Variants in SNTA1 observed in about 807,000 individuals in gnomAD.
SNTA1 encodes alpha-1-syntrophin.
In SNTA1, 31 loss-of-function variants were observed where a neutral mutation model predicts 47.1. That is an observed-to-expected ratio of 0.66 (90% CI 0.49 to 0.89). SNTA1 has a LOEUF of 0.89. Among genes scored for constraint, SNTA1 ranks in the 40% least tolerant of loss-of-function variants. SNTA1 has a pLI of 0.00. For synonymous variants in SNTA1, 300 were observed against 313.6 expected, an observed-to-expected ratio of 0.96 and a Z score of 0.46; for missense variants, 575 against 693.0, an observed-to-expected ratio of 0.83 and a Z score of 1.91.
chr20:33,418,537 A>T (rs1456097701), intron 2 of SNTA1, among the ~76,000 whole-genome samples: 1 of 152,020 alleles, frequency 6.6e-6, no homozygotes, highest in Admixed American at 6.6e-5. Flanking sequence ...TCATGCCTGT[A>T]ATCCTAGCAC....
intron 5 of SNTA1, 42 bp from the exon 6 acceptor site, chr20:33,410,373 C>G: frequency 2.2e-6 from 3 of 1,374,428 alleles, no homozygotes; most frequent in East Asian, 2.4e-5. Context: ...GGCCTCAGGC[C>G]GGAGGCAAAT....
chr20:33,436,323 AAG>A (rs1225884270), intron 2 of SNTA1, among the ~76,000 whole-genome samples: 1 of 152,202 alleles, frequency 6.6e-6, no homozygotes, highest in African/African-American at 2.4e-5. Context: ...CAGAAGCTAA[AAG>A]AGCTTTCAAG....
intron 2 of SNTA1, among the ~76,000 whole-genome samples, chr20:33,430,146 G>A (rs1951330175): frequency 6.6e-6 from 1 of 152,102 alleles, no homozygotes. Flanking sequence ...GAATCTTAGT[G>A]ATGGGAGAAA....
At chr20:33,435,290 C>T (rs1178612804) in intron 2 of SNTA1, among the ~76,000 whole-genome samples, 1 of 151,242 alleles carries the variant, frequency 6.6e-6, no homozygotes. Flanking sequence ...CAGCACCTAG[C>T]CACCGGCTTT....
intron 3 of SNTA1, among the ~76,000 whole-genome samples, chr20:33,415,156 TAAAC>T (rs968707020): frequency 5.3e-5 from 8 of 152,142 alleles, no homozygotes; most frequent in South Asian, 4.1e-4. Context: ...AAATAACATA[TAAAC>T]AAACACACAT....
At chr20:33,422,516 G>A (rs561012942) in intron 2 of SNTA1, among the ~76,000 whole-genome samples, 1 of 152,032 alleles carries the variant, frequency 6.6e-6, no homozygotes, top group African/African-American at 2.4e-5. Context: ...AGTAGCTCAC[G>A]CCTGTAGTCC....
At chr20:33,429,673 C>A (rs1436511402) in intron 2 of SNTA1, among the ~76,000 whole-genome samples, 1 of 152,060 alleles carries the variant, frequency 6.6e-6, no homozygotes, top group Non-Finnish European at 1.5e-5. Context: ...GAGACGAGGC[C>A]TTGCCATGTT....
At chr20:33,429,589 C>T (rs1367940172) in intron 2 of SNTA1, among the ~76,000 whole-genome samples, 1 of 151,966 alleles carries the variant, frequency 6.6e-6, no homozygotes, top group Non-Finnish European at 1.5e-5. Flanking sequence ...GAGATCATGC[C>T]ATTGCACTCC....
intron 2 of SNTA1, among the ~76,000 whole-genome samples, chr20:33,422,361 C>T (rs181120814): frequency 5.9e-4 from 90 of 151,852 alleles, no homozygotes; most frequent in African/African-American, 2.1e-3. Context: ...ATCGCTTGAA[C>T]CCAGGAGGTG....
intron 2 of SNTA1, among the ~76,000 whole-genome samples, chr20:33,438,340 A>G (rs1186991755): frequency 2.0e-5 from 3 of 152,008 alleles, no homozygotes; most frequent in South Asian, 4.2e-4. Context: ...GGCTTCTCCC[A>G]AAGGAGGATG....
rs1359995269 is a variant in SNTA1, at chr20:33,438,984, A to C, written c.353T>G (p.Phe118Cys). The C allele has an allele frequency of 1.2e-6, 2 of 1,614,158 alleles. No homozygotes were observed. Among genetic ancestry groups the C allele is most frequent in the Admixed American group, 1.7e-5 (1 of 60,018 alleles). ...TGTCTGGTCAGCTGCCAATCCCTTGAAGATCTTGGAAATGAGAATAGGCAT... is the reference window on the plus strand; with the variant it reads ...TGTCTGGTCAGCTGCCAATCCCTTGCAGATCTTGGAAATGAGAATAGGCAT... ...NKMPILISKI[F>C]KGLAADQTEA... The change falls in exon 2 of 8, where the codon TTC (phenylalanine) becomes TGC (cysteine). Residue 118 changes from phenylalanine (F) to cysteine (C), a missense_variant. Phe to Cys is a radical substitution (Grantham distance 205, BLOSUM62 -2). Transcript: ENST00000217381.
chr20:33,410,255 G>C lies in SNTA1; in HGVS notation c.1117C>G (p.Arg373Gly), dbSNP rs752149940. ...ELSFALRTGT[R>G]HGVDTHLFSV... ...AACAGGTGAGTGTCCACACCGTGAC[G>C]CGTGCCCGTGCGCAGGGCAAAAGAG... is the stretch of plus-strand genomic sequence containing the variant. The change falls in exon 6 of 8, where the codon CGT becomes GGT. Residue 373 changes from arginine (R) to glycine (G), a missense_variant. Physicochemically the swap from Arg to Gly is moderately radical, Grantham distance 125. Coordinates refer to ENST00000217381, the MANE Select transcript of SNTA1 (RefSeq NM_003098.3). 1 of 1,613,048 alleles carries C rather than the reference G, an allele frequency of 6.2e-7. No individual in the cohort carries two copies. Among genetic ancestry groups the C allele is most frequent in the South Asian group, 1.1e-5 (1 of 91,006 alleles).
Position 33,412,334 on chromosome 20 carries a change from C to CA in SNTA1, c.1001dup (p.Ser335GlufsTer103). The CA allele has an allele frequency of 6.2e-7, 1 of 1,612,082 alleles. No homozygotes were observed. Among genetic ancestry groups the CA allele is most frequent in the Non-Finnish European group, 8.5e-7 (1 of 1,179,552 alleles). On this transcript the variant is annotated frameshift_variant, in exon 5 of 8. Coordinates refer to ENST00000217381, the MANE Select transcript of SNTA1 (RefSeq NM_003098.3). LOFTEE classifies it high-confidence loss of function. ...GTGGGGCAGTACGGGCTGGCCGGCT[C>CA]AGGGCCTCGCGGGTCTCGGGGAGAG...
chr20:33,408,238 T>C lies in SNTA1; in HGVS notation c.*269A>G, dbSNP rs1989643284. 1 of 505,324 alleles carries C rather than the reference T, an allele frequency of 2.0e-6. No homozygotes were observed. The highest frequency in any genetic ancestry group is 3.6e-6 in the Non-Finnish European group (1 of 275,674). The allele number at this position is 505,324 out of a possible 1,614,324, so 31.3% of individuals were successfully genotyped here. A position where few individuals can be genotyped will look rare whatever the true frequency, so the allele number is the denominator to read the frequency against. On this transcript the variant is annotated 3_prime_UTR_variant, in exon 8 of 8. Coordinates refer to ENST00000217381, the MANE Select transcript of SNTA1 (RefSeq NM_003098.3). ...GGGCAGGTCCCAGACTCGGAATGGC[T>C]TCTGTGTACACAAAATATCTCTCTG...
chr20:33,417,995 T>TTTA, intron 2 of SNTA1, 72 bp from the exon 3 acceptor site: 1 of 998,362 alleles, frequency 1.0e-6, no homozygotes. Context: ...TGTCACTAAT[T>TTTA]TATTAAGAGT....
rs145471317 is a variant in SNTA1 at position 33,443,716 on chromosome 20, C to T, written c.-96G>A. On this transcript the variant is annotated 5_prime_UTR_variant, in exon 1 of 8. Transcript: ENST00000217381. ...CCCAGGGCAGAGGGCAGCGGGGGCC[C>T]GGCTGGGCCAGCCGCCACCCTACCC... 4,711 of 787,120 alleles carry T rather than the reference C, an allele frequency of 6.0e-3. 321 individuals carry two copies. The Admixed American group carries it at 0.15, about 25-fold the overall frequency. 48.8% of individuals were successfully genotyped at this position (787,120 alleles called of 1,614,324 possible).
chr20:33,414,877 T>C (rs1989835410), intron 3 of SNTA1, among the ~76,000 whole-genome samples: 1 of 152,222 alleles, frequency 6.6e-6, no homozygotes, highest in Non-Finnish European at 1.5e-5. Flanking sequence ...CCTGGACTTC[T>C]TTTTAAACAT....
At chr20:33,421,057 C>T (rs1037843597) in intron 2 of SNTA1, among the ~76,000 whole-genome samples, 7 of 151,372 alleles carry the variant, frequency 4.6e-5, no homozygotes, top group Non-Finnish European at 7.4e-5. Flanking sequence ...CCTGTGATTC[C>T]AGCTAATCAA....
At chr20:33,412,202 G>T in intron 5 of SNTA1, 94 bp downstream of exon 5, 1 of 1,378,220 alleles carries the variant, frequency 7.3e-7, no homozygotes. Flanking sequence ...AATAGCTGAG[G>T]GTGGACAGGG....
Sources: allele counts gnomAD v4.1 joint callset (sites outside exome capture counted in the v4.1 genomes callset), GRCh38; gene constraint gnomAD v4.1.1; transcripts MANE v1.5; gene names NCBI Gene and HGNC (gene_info 2026-07-23, HGNC 2026-07-21).